Variants in MAPK6 observed in about 807,000 individuals in gnomAD.
The protein encoded by MAPK6 is mitogen-activated protein kinase 6.
MAPK6 carries 19 observed loss-of-function variants against 59.3 expected under a neutral mutation model. The observed-to-expected ratio is 0.32, with a 90% confidence interval of 0.22 to 0.47. The LOEUF (loss-of-function observed/expected upper bound fraction) is 0.47, where lower values mean the gene tolerates loss of function less well. Among genes scored for constraint, MAPK6 ranks in the 20% least tolerant of loss-of-function variants. The pLI, the probability that MAPK6 is intolerant of heterozygous loss-of-function variation, is 1.00. For missense variants in MAPK6, 724 were observed against 847.9 expected, an observed-to-expected ratio of 0.85 and a Z score of 1.81; for synonymous variants, 316 against 290.3, an observed-to-expected ratio of 1.09 and a Z score of -0.90.
At chr15:52,021,883 TG>T in intron 1 of MAPK6, among the ~76,000 whole-genome samples, 1 of 152,338 alleles carries the variant, frequency 6.6e-6, no homozygotes, top group South Asian at 2.1e-4. Context: ...CTATTTTTCA[TG>T]GTTTTTTTTT....
intron 3 of MAPK6, among the ~76,000 whole-genome samples, chr15:52,053,375 C>G (rs570019055): frequency 1.3e-5 from 2 of 152,206 alleles, no homozygotes; most frequent in African/African-American, 4.8e-5. Context: ...TGCACCCGGC[C>G]TCATTGTGGT....
At chr15:52,062,361 A>G (rs1410835071) in intron 5 of MAPK6, among the ~76,000 whole-genome samples, 1 of 152,150 alleles carries the variant, frequency 6.6e-6, no homozygotes, top group Non-Finnish European at 1.5e-5. Flanking sequence ...GACACAATTA[A>G]TTTGGGGACA....
chr15:51,973,682 C>T (rs1290257948), intron 1 of MAPK6, among the ~76,000 whole-genome samples: 10 of 150,984 alleles, frequency 6.6e-5, no homozygotes, highest in Non-Finnish European at 1.2e-4. Context: ...AACAGAGTTT[C>T]GCTCTTGTTG....
At chr15:52,026,354 T>G (rs977246308) in intron 1 of MAPK6, among the ~76,000 whole-genome samples, 5 of 152,192 alleles carry the variant, frequency 3.3e-5, no homozygotes, top group African/African-American at 1.2e-4. Flanking sequence ...TGCAATGGTG[T>G]GATCTTCGCT....
intron 1 of MAPK6, among the ~76,000 whole-genome samples, chr15:51,981,540 G>A (rs189714886): frequency 6.6e-6 from 1 of 152,150 alleles, no homozygotes; most frequent in East Asian, 1.9e-4. Flanking sequence ...ACAGAATAAA[G>A]GTAATGAGTC....
At chr15:52,011,878 A>G (rs1057310974) in intron 3 of MAPK6, among the ~76,000 whole-genome samples, 11 of 152,344 alleles carry the variant, frequency 7.2e-5, no homozygotes, top group African/African-American at 2.6e-4. Context: ...TTAAATTAAG[A>G]GTATAAACAG....
intron 3 of MAPK6, among the ~76,000 whole-genome samples, chr15:52,053,610 GATTGATTGATTGATTGGTTGATTGA>G (rs1566911648): frequency 4.2e-4 from 1 of 2,356 alleles, no homozygotes; most frequent in African/African-American, 1.6e-3. Context: ...TTGGTTGATT[GATTGATTGATTGATTGGTTGATTGA>G]TTGATTGATT....
intron 1 of MAPK6, chr15:52,033,968 TTTTG>T (rs2031143108): frequency 1.3e-5 from 2 of 152,160 alleles, no homozygotes; most frequent in South Asian, 4.1e-4. Context: ...CTTTTTTGTT[TTTTG>T]TTTCTTTTTT....
At chr15:51,991,148 T>TACACAC (rs933912695) in intron 2 of MAPK6, among the ~76,000 whole-genome samples, 6,433 of 140,628 alleles carry the variant, frequency 0.046, 179 homozygotes, top group Middle Eastern at 0.12. Flanking sequence ...TATATATATA[T>TACACAC]ACACACACAC....
chr15:51,994,431 A>G (rs1001066746), intron 2 of MAPK6, among the ~76,000 whole-genome samples: 5 of 152,130 alleles, frequency 3.3e-5, no homozygotes, highest in African/African-American at 1.2e-4. Context: ...ATTTATTTTT[A>G]TAGAATGTCT....
upstream of MAPK6, chr15:52,019,024 C>G (rs2030367254): frequency 6.6e-6 from 1 of 152,324 alleles, no homozygotes; most frequent in East Asian, 1.9e-4. Flanking sequence ...CCTCCCTGCC[C>G]GCCCGCAGGC....
At chr15:52,033,273 G>C in intron 1 of MAPK6, among the ~76,000 whole-genome samples, 1 of 152,180 alleles carries the variant, frequency 6.6e-6, no homozygotes, top group East Asian at 1.9e-4. Context: ...TCAGGGTGTT[G>C]CCAGAGGAGA....
chr15:52,041,018 A>G (rs959239296), intron 1 of MAPK6, among the ~76,000 whole-genome samples: 7 of 152,208 alleles, frequency 4.6e-5, no homozygotes, highest in African/African-American at 7.2e-5. Context: ...AGAATCAGCA[A>G]TGGTTGGTAG....
At chr15:52,027,342 T>C (rs1595981647) in intron 1 of MAPK6, among the ~76,000 whole-genome samples, 1 of 752 alleles carries the variant, frequency 1.3e-3, no homozygotes, top group African/African-American at 2.1e-3. Context: ...AGAGCGAGAC[T>C]CCCTCTCAAA....
At chr15:51,978,194 G>A (rs1392715744) in intron 1 of MAPK6, among the ~76,000 whole-genome samples, 5 of 151,210 alleles carry the variant, frequency 3.3e-5, no homozygotes, top group Admixed American at 2.6e-4. Context: ...GTACAGTGGT[G>A]TAATCTCAGC....
intron 2 of MAPK6, among the ~76,000 whole-genome samples, chr15:51,987,438 C>G (rs2057194312): frequency 6.6e-6 from 1 of 152,088 alleles, no homozygotes; most frequent in African/African-American, 2.4e-5. Flanking sequence ...AACGTCGTCT[C>G]TACTAAAAAT....
chr15:52,043,414 C>T (rs1316750474), intron 1 of MAPK6, among the ~76,000 whole-genome samples: 1 of 151,784 alleles, frequency 6.6e-6, no homozygotes, highest in Non-Finnish European at 1.5e-5. Flanking sequence ...TCTCTTGCCT[C>T]AGCCTCCCGA....
intron 1 of MAPK6, among the ~76,000 whole-genome samples, chr15:52,029,802 C>G (rs983813523): frequency 3.3e-5 from 5 of 152,210 alleles, no homozygotes; most frequent in Admixed American, 3.3e-4. Context: ...CCACCTTAGT[C>G]TCAGCCACCA....
In MAPK6 at chr15:52,010,495, A is replaced by G. The variant is rs898471251; in HGVS notation, c.-632+6093A>G. On this transcript the variant is annotated intron_variant, in intron 3 of 7. Coordinates refer to the MAPK6 transcript ENST00000691380. The stretch of plus-strand genomic sequence containing the variant: ...CTTCCAAAGTGCTGGGATTACAGGC[A>G]TGAGCCATTGCACCCAGCCTTTTTT... Among the ~76,000 whole-genome samples the G allele has an allele frequency of 4.0e-4, 57 of 141,556 alleles. 2 individuals carry two copies. The Admixed American group carries it at 4.1e-3, about 10-fold the overall frequency. The allele number at this position is 141,556 out of a possible 152,430, so 92.9% of individuals were successfully genotyped here. A position where few individuals can be genotyped will look rare whatever the true frequency, so the allele number is the denominator to read the frequency against.
Sources: gnomAD v4.1 joint callset for allele counts (sites outside exome capture counted in the v4.1 genomes callset) on GRCh38, gnomAD v4.1.1 for gene constraint, MANE v1.5 for transcripts, NCBI Gene and HGNC (gene_info 2026-07-23, HGNC 2026-07-21) for gene names.